Variants in NEURL1B observed in about 807,000 individuals in gnomAD.
NEURL1B encodes E3 ubiquitin-protein ligase NEURL1B.
In NEURL1B, 13 loss-of-function variants were observed where a neutral mutation model predicts 37.4. The ratio of observed to expected loss-of-function variants is 0.35; its 90% confidence interval spans 0.23 to 0.55. The LOEUF (loss-of-function observed/expected upper bound fraction) is 0.55. Ranked by LOEUF, NEURL1B falls within the 20% of genes least tolerant of loss-of-function variation. The pLI, the probability that NEURL1B is intolerant of heterozygous loss-of-function variation, is 0.89. For missense variants in NEURL1B, 790 were observed against 879.2 expected, an observed-to-expected ratio of 0.90 and a Z score of 1.28; for synonymous variants, 432 against 426.6, an observed-to-expected ratio of 1.01 and a Z score of -0.16.
chr5:172,679,081 C>G (rs116379728), intron 2 of NEURL1B, among the ~76,000 whole-genome samples: 1 of 152,214 alleles, frequency 6.6e-6, no homozygotes, highest in Admixed American at 6.5e-5. Context: ...ACATTAGGCC[C>G]GTGGAGACTG....
rs1020872981 is a variant in NEURL1B at position 172,661,600 on chromosome 5, G to C, written c.32-8185G>C. On this transcript the variant is annotated intron_variant, in intron 1 of 4. Coordinates refer to ENST00000369800, the MANE Select transcript of NEURL1B (RefSeq NM_001142651.3). The surrounding 1 kb of genome is among the most constrained non-coding windows in gnomAD (Gnocchi z 4.0). ...ACCCACTACATAGCAGAGGCCCAGT[G>C]AAACTCCAGTGTAATCCTCATGTTC... Among the ~76,000 whole-genome samples the C allele has an allele frequency of 1.3e-5, 2 of 152,240 alleles. No homozygotes were observed. The highest frequency in any genetic ancestry group is 2.4e-5 in the African/African-American group (1 of 41,462).
intron 2 of NEURL1B, among the ~76,000 whole-genome samples, chr5:172,682,538 T>A (rs1053290197): frequency 6.6e-6 from 1 of 152,200 alleles, no homozygotes; most frequent in African/African-American, 2.4e-5. Context: ...ATCGCGCCAT[T>A]GCACTCCAGC....
chr5:172,686,572 G>A lies in NEURL1B; in HGVS notation c.1424-109G>A. 2.3e-6 allele frequency: 3 copies of A among 1,287,042 alleles called. No homozygotes were observed. Among genetic ancestry groups the A allele is most frequent in the African/African-American group, 3.0e-5 (2 of 67,398 alleles). The allele number at this position is 1,287,042 out of a possible 1,614,324, so 79.7% of individuals were successfully genotyped here. A position where few individuals can be genotyped will look rare whatever the true frequency, so the allele number is the denominator to read the frequency against. ...AAACTCAAATTAGTATCTCCCAAAA[G>A]TATTCTCCCACCGGTCCCAGCAAGA... On this transcript the variant is annotated intron_variant, in intron 4 of 4. Transcript: ENST00000369800. The surrounding 1 kb of genome is among the most constrained non-coding windows in gnomAD (Gnocchi z 7.9).
chr5:172,685,396 G>A (rs1472335110), intron 3 of NEURL1B, among the ~76,000 whole-genome samples: 1 of 152,174 alleles, frequency 6.6e-6, no homozygotes, highest in African/African-American at 2.4e-5. Flanking sequence ...AGCCCGAGAC[G>A]AAGTGCCCAT....
Position 172,669,813 on chromosome 5 carries a change from C to T in NEURL1B, c.60C>T (p.Ala20=), listed in dbSNP as rs1240268092. The T allele has an allele frequency of 7.7e-7, 1 of 1,293,922 alleles. No homozygotes were observed. 80.2% of individuals were successfully genotyped at this position (1,293,922 alleles called of 1,614,324 possible). The change falls in exon 2 of 5, where the codon GCC becomes GCT. Residue 20 remains alanine, a synonymous_variant. Transcript: ENST00000369800. ...PDPSPPARLL[A]TRPCCGPGPE... ...CGAGCCCACCGGCGCGCCTCCTGGC[C>T]ACCCGGCCGTGCTGCGGCCCCGGCC...
At position 172,687,799 on chromosome 5, in the gene NEURL1B, A is replaced by G. The variant is rs1758542468; in HGVS notation, c.*874A>G. 6.6e-6 allele frequency: 1 copy of G among 152,120 alleles called. No homozygotes were observed. The highest frequency in any genetic ancestry group is 1.5e-5 in the Non-Finnish European group (1 of 68,050). The allele number at this position is 152,120 out of a possible 1,614,324, so 9.4% of individuals were successfully genotyped here. A position where few individuals can be genotyped will look rare whatever the true frequency, so the allele number is the denominator to read the frequency against. ...AAGTTCTGTTTTTCTGTGGGAGAGA[A>G]AGAATCCTAGAGGCAGGTGACCCAC... is the stretch of plus-strand genomic sequence containing the variant. On this transcript the variant is annotated 3_prime_UTR_variant, in exon 5 of 5. Transcript: ENST00000369800.
rs1758559918 is a variant in NEURL1B at position 172,688,526 on chromosome 5, C to T, written c.*1601C>T. 1 of 152,242 alleles carries T rather than the reference C, an allele frequency of 6.6e-6. No individual in the cohort carries two copies. 9.4% of individuals were successfully genotyped at this position (152,242 alleles called of 1,614,324 possible). A position where few individuals can be genotyped will look rare whatever the true frequency, so the allele number is the denominator to read the frequency against. ...AGAGCAAAGCTGGGCCAGGCCTTCA[C>T]CAGATCAAGCCCCACAGACCAGCTG... On this transcript the variant is annotated 3_prime_UTR_variant, in exon 5 of 5. Transcript: ENST00000369800. The surrounding 1 kb of genome is among the most constrained non-coding windows in gnomAD (Gnocchi z 4.3).
At chr5:172,645,551 C>T (rs922383705) in intron 1 of NEURL1B, among the ~76,000 whole-genome samples, 1 of 152,182 alleles carries the variant, frequency 6.6e-6, no homozygotes, top group Admixed American at 6.5e-5. Context: ...CTCCTTCCAG[C>T]CATGGCAATA....
intron 1 of NEURL1B, among the ~76,000 whole-genome samples, chr5:172,659,046 C>CCCCCCCCCG (rs1554097753): frequency 7.4e-6 from 1 of 135,608 alleles, no homozygotes; most frequent in African/African-American, 2.8e-5. Context: ...CCCCCCCCCC[C>CCCCCCCCCG]CAAAGCTTCC....
At position 172,683,829 on chromosome 5, in the gene NEURL1B, C is replaced by T. The variant is rs1231627361; in HGVS notation, c.988C>T (p.Pro330Ser). Residue 330 changes from proline to serine, a missense_variant, in exon 3 of 5, where the codon CCG becomes TCG. Physicochemically the swap from Pro to Ser is moderately conservative, Grantham distance 74. Coordinates refer to ENST00000369800, the MANE Select transcript of NEURL1B (RefSeq NM_001142651.3). The surrounding 1 kb of genome is among the most constrained non-coding windows in gnomAD (Gnocchi z 5.6). Reference sequence around the variant, plus strand: ...GAGCCTCTTCGTGGAGGTGGGCCGTCCGGGGCTGGCGGCGCCCGGCGCGCT... The same window carrying T: ...GAGCCTCTTCGTGGAGGTGGGCCGTTCGGGGCTGGCGGCGCCCGGCGCGCT... Reference protein sequence around the residue: ...GESLFVEVGRPGLAAPGALAF... With the variant: ...GESLFVEVGRSGLAAPGALAF... 6.0e-6 allele frequency: 8 copies of T among 1,326,420 alleles called. No homozygotes were observed. The highest frequency in any genetic ancestry group is 7.7e-6 in the Non-Finnish European group (8 of 1,035,242). The allele number at this position is 1,326,420 out of a possible 1,614,324, so 82.2% of individuals were successfully genotyped here. A position where few individuals can be genotyped will look rare whatever the true frequency, so the allele number is the denominator to read the frequency against.
chr5:172,675,780 T>C lies in NEURL1B; in HGVS notation c.577+5450T>C, dbSNP rs1758221649. On this transcript the variant is annotated intron_variant, in intron 2 of 4. Transcript: ENST00000369800. The surrounding 1 kb of genome is among the most constrained non-coding windows in gnomAD (Gnocchi z 4.7). Reference sequence around the variant, plus strand: ...ACATTTCAGCATCACTAATCTGATATCCGAAAATCACTGTTGATGATTCTA... The same window carrying C: ...ACATTTCAGCATCACTAATCTGATACCCGAAAATCACTGTTGATGATTCTA... Among the ~76,000 whole-genome samples, 1 of 152,242 alleles carries C rather than the reference T, an allele frequency of 6.6e-6. No homozygotes were observed. Among genetic ancestry groups the C allele is most frequent in the South Asian group, 2.1e-4 (1 of 4,836 alleles).
At chr5:172,679,499 T>C (rs932644763) in intron 2 of NEURL1B, among the ~76,000 whole-genome samples, 3 of 152,200 alleles carry the variant, frequency 2.0e-5, no homozygotes, top group African/African-American at 7.2e-5. Flanking sequence ...AGCCGACTGG[T>C]TCTCCTTAGA....
At chr5:172,650,764 G>A (rs894346153) in intron 1 of NEURL1B, among the ~76,000 whole-genome samples, 1 of 152,212 alleles carries the variant, frequency 6.6e-6, no homozygotes, top group Non-Finnish European at 1.5e-5. Context: ...GAAGGGGTTC[G>A]TATCCCTGAC....
In NEURL1B at chr5:172,686,655, A is replaced by T. The variant is rs1353386565; in HGVS notation, c.1424-26A>T. 6.5e-7 allele frequency: 1 copy of T among 1,544,178 alleles called. No individual in the cohort carries two copies. The highest frequency in any genetic ancestry group is 2.5e-5 in the East Asian group (1 of 40,678). On this transcript the variant is annotated intron_variant, in intron 4 of 4. Coordinates refer to ENST00000369800, the MANE Select transcript of NEURL1B (RefSeq NM_001142651.3). The surrounding 1 kb of genome is among the most constrained non-coding windows in gnomAD (Gnocchi z 7.9). ...CCCACCTGAGAGAGACATTGTTAACATATGTCCTCTTCTCCCTTTCGGCAG... is the reference window on the plus strand; with the variant it reads ...CCCACCTGAGAGAGACATTGTTAACTTATGTCCTCTTCTCCCTTTCGGCAG...
At chr5:172,681,271 G>A (rs537203264) in intron 2 of NEURL1B, among the ~76,000 whole-genome samples, 8 of 152,114 alleles carry the variant, frequency 5.3e-5, no homozygotes, top group Non-Finnish European at 1.2e-4. Flanking sequence ...AGGAAAACTA[G>A]ATAATACAGA....
chr5:172,666,028 C>A (rs1443983530), intron 1 of NEURL1B, among the ~76,000 whole-genome samples: 6 of 152,210 alleles, frequency 3.9e-5, no homozygotes, highest in Admixed American at 3.9e-4. Flanking sequence ...CAGTCCAGTG[C>A]CTGGCAAGTC....
At chr5:172,656,601 T>G in intron 1 of NEURL1B, 1 of 1,610,932 alleles carries the variant, frequency 6.2e-7, no homozygotes, top group East Asian at 2.2e-5. Context: ...CTCGAGTTTC[T>G]TCTGCTCCTC....
Position 172,684,118 on chromosome 5 carries a change from C to T in NEURL1B, c.1277C>T (p.Ala426Val). The change falls in exon 3 of 5, where the codon GCG becomes GTG. Residue 426 changes from alanine to valine, a missense_variant. Coordinates refer to ENST00000369800, the MANE Select transcript of NEURL1B (RefSeq NM_001142651.3). ...WAFFAVRGGV[A>V]GQLRLLGTLQ... is the part of the protein sequence containing the mutation. ...TTCTTCGCCGTGCGCGGCGGCGTCG[C>T]GGGCCAGCTGCGTCTCCTCGGTGAG... The T allele has an allele frequency of 7.9e-7, 1 of 1,258,306 alleles. No individual in the cohort carries two copies. 77.9% of individuals were successfully genotyped at this position (1,258,306 alleles called of 1,614,324 possible).
intron 2 of NEURL1B, among the ~76,000 whole-genome samples, chr5:172,680,036 A>G (rs954130170): frequency 7.9e-5 from 12 of 152,158 alleles, no homozygotes; most frequent in Non-Finnish European, 1.8e-4. Flanking sequence ...AGGGAATTCC[A>G]TAAGCACAGG....
Sources: allele counts gnomAD v4.1 joint callset (sites outside exome capture counted in the v4.1 genomes callset), GRCh38; gene constraint gnomAD v4.1.1; non-coding constraint Gnocchi (gnomAD v3.1); transcripts MANE v1.5; gene names NCBI Gene and HGNC (gene_info 2026-07-23, HGNC 2026-07-21).